CTIF: variants seen among roughly 807,000 people sequenced by gnomAD.
CTIF encodes cap binding complex dependent translation initiation factor.
In CTIF, 21 loss-of-function variants were observed where a neutral mutation model predicts 66.0. The ratio of observed to expected loss-of-function variants is 0.32; its 90% CI spans 0.23 to 0.46. CTIF has a LOEUF of 0.46. Ranked by LOEUF, CTIF falls within the 20% of genes least tolerant of loss-of-function variation. The pLI is 1.00. For missense variants in CTIF, 739 were observed against 812.7 expected (o/e 0.91, Z 1.10); for synonymous variants, 345 against 326.4 (o/e 1.06, Z -0.62).
chr18:48,578,083 T>C (rs2089575000), intron 1 of CTIF, among the ~76,000 whole-genome samples: 1 of 152,240 alleles, frequency 6.6e-6, no homozygotes, highest in Admixed American at 6.5e-5. Flanking sequence ...TATGTTCTCT[T>C]TTGTAACTGG....
intron 10 of CTIF, among the ~76,000 whole-genome samples, chr18:48,851,879 AT>A (rs34410244): frequency 2.6e-5 from 4 of 151,184 alleles, no homozygotes; most frequent in African/African-American, 4.9e-5. Flanking sequence ...TATTTTAAGG[AT>A]TTTTTTTTCC....
intron 9 of CTIF, among the ~76,000 whole-genome samples, chr18:48,772,162 C>G (rs1007239204): frequency 6.6e-6 from 1 of 152,196 alleles, no homozygotes; most frequent in African/African-American, 2.4e-5. Context: ...CAAGGTGTTT[C>G]CTGAAAATGC....
intron 6 of CTIF, among the ~76,000 whole-genome samples, chr18:48,675,614 G>C (rs1449379872): frequency 6.6e-6 from 1 of 152,230 alleles, no homozygotes; most frequent in Non-Finnish European, 1.5e-5. Context: ...AGGATGGCGA[G>C]GTGCAAGAGG....
chr18:48,663,815 G>A lies in CTIF; in HGVS notation c.316G>A (p.Asp106Asn), dbSNP rs1450363201. ...GGACATCTGGGCGGCCAACACCTTC[G>A]ATTCCTTCAGGTAACCTCCTCCTCC... ...GTDIWAANTF[D>N]SFSGATWDLQ... The change falls in exon 4 of 12, where the codon GAT becomes AAT. Residue 106 changes from aspartate to asparagine, a missense_variant. Coordinates refer to ENST00000256413, the MANE Select transcript of CTIF (RefSeq NM_014772.3). 1.9e-6 allele frequency: 3 copies of A among 1,614,092 alleles called. No individual in the cohort carries two copies. Among genetic ancestry groups the A allele is most frequent in the East Asian group, 4.5e-5 (2 of 44,882 alleles).
chr18:48,632,552 A>C (rs979112210), intron 2 of CTIF, among the ~76,000 whole-genome samples: 3 of 151,720 alleles, frequency 2.0e-5, no homozygotes, highest in Non-Finnish European at 2.9e-5. Flanking sequence ...CTCCTTCCCC[A>C]CTTCCCCCCT....
chr18:48,776,600 T>A (rs1910703061), intron 9 of CTIF, among the ~76,000 whole-genome samples: 1 of 152,252 alleles, frequency 6.6e-6, no homozygotes, highest in South Asian at 2.1e-4. Flanking sequence ...ACGAGGGCAC[T>A]GGGTCGGGTG....
intron 7 of CTIF, among the ~76,000 whole-genome samples, chr18:48,722,280 A>AT (rs1350460467): frequency 6.8e-6 from 1 of 147,242 alleles, no homozygotes; most frequent in Non-Finnish European, 1.5e-5. Context: ...CAGTGGCACA[A>AT]TTATAGCTCA....
chr18:48,638,316 T>C (rs918118816), intron 3 of CTIF, among the ~76,000 whole-genome samples: 5 of 152,266 alleles, frequency 3.3e-5, no homozygotes, highest in African/African-American at 7.2e-5. Flanking sequence ...CACTGAGAGC[T>C]CTCTGCTGTT....
intron 3 of CTIF, among the ~76,000 whole-genome samples, chr18:48,645,254 C>A: frequency 1.2e-5 from 1 of 85,692 alleles, no homozygotes. Context: ...ATACTTGGCA[C>A]TAGGAAATGC....
chr18:48,645,087 C>G (rs772152978), intron 3 of CTIF, among the ~76,000 whole-genome samples: 13 of 152,176 alleles, frequency 8.5e-5, no homozygotes, highest in Non-Finnish European at 1.9e-4. Flanking sequence ...ATCTATATTT[C>G]TCCTGCTAAA....
chr18:48,701,115 C>T (rs909924463), intron 6 of CTIF, among the ~76,000 whole-genome samples: 2 of 152,188 alleles, frequency 1.3e-5, no homozygotes, highest in Admixed American at 1.3e-4. Flanking sequence ...GCCATAGACA[C>T]ACCACTTCAT....
intron 7 of CTIF, among the ~76,000 whole-genome samples, chr18:48,757,155 T>C (rs938629218): frequency 6.6e-6 from 1 of 152,204 alleles, no homozygotes; most frequent in African/African-American, 2.4e-5. Flanking sequence ...CCTCTTGTTA[T>C]AAGGCCATTA....
intron 9 of CTIF, among the ~76,000 whole-genome samples, chr18:48,788,250 C>T (rs1180196793): frequency 6.6e-6 from 1 of 152,178 alleles, no homozygotes; most frequent in African/African-American, 2.4e-5. Context: ...GAAACATGCT[C>T]AGGGGCCAGT....
chr18:48,784,418 G>A (rs1267213543), intron 9 of CTIF, among the ~76,000 whole-genome samples: 1 of 152,222 alleles, frequency 6.6e-6, no homozygotes, highest in Admixed American at 6.5e-5. Context: ...GTGCACTGGG[G>A]GCTGAGGTGG....
intron 6 of CTIF, among the ~76,000 whole-genome samples, chr18:48,698,926 G>A (rs972280650): frequency 1.3e-5 from 2 of 152,132 alleles, no homozygotes; most frequent in African/African-American, 4.8e-5. Context: ...ACAGCCGCTG[G>A]CACCACATAA....
intron 9 of CTIF, among the ~76,000 whole-genome samples, chr18:48,801,646 AGTAACGCCTGTGTAT>A (rs1382448428): frequency 1.3e-3 from 199 of 152,350 alleles, no homozygotes; most frequent in African/African-American, 4.7e-3. Context: ...TAAATAGCTT[AGTAACGCCTGTGTAT>A]TCATCTATTT....
chr18:48,577,431 G>GA (rs1409721621), intron 1 of CTIF, among the ~76,000 whole-genome samples: 1 of 152,202 alleles, frequency 6.6e-6, no homozygotes, highest in Admixed American at 6.5e-5. Context: ...CCAGGACACT[G>GA]AAGGATAGTG....
chr18:48,665,837 T>C (rs2144937250), intron 5 of CTIF, among the ~76,000 whole-genome samples: 1 of 152,362 alleles, frequency 6.6e-6, no homozygotes. Context: ...ACTAGTCCAT[T>C]GTATGGATAT....
At position 48,860,687 on chromosome 18, in the gene CTIF, C is replaced by G. The variant is rs942536475; in HGVS notation, c.*1128C>G. 6.6e-5 allele frequency: 10 copies of G among 152,264 alleles called. No homozygotes were observed. Among genetic ancestry groups the G allele is most frequent in the African/African-American group, 2.4e-4 (10 of 41,472 alleles). The allele number at this position is 152,264 out of a possible 1,614,324, so 9.4% of individuals were successfully genotyped here. On this transcript the variant is annotated 3_prime_UTR_variant, in exon 12 of 12. Coordinates refer to ENST00000256413, the MANE Select transcript of CTIF (RefSeq NM_014772.3). Reference sequence around the variant, plus strand: ...GGAAAAGGATGGGAGTGGGGGCTCCCCAGGACTCGATTTTAGCTAATGCGC... The same window carrying G: ...GGAAAAGGATGGGAGTGGGGGCTCCGCAGGACTCGATTTTAGCTAATGCGC...
Sources: allele counts gnomAD v4.1 joint callset (sites outside exome capture counted in the v4.1 genomes callset), GRCh38; gene constraint gnomAD v4.1.1; transcripts MANE v1.5; gene names NCBI Gene and HGNC (gene_info 2026-07-23, HGNC 2026-07-21).